The following SORCS2 variants were observed in gnomAD, a reference collection of about 807,000 sequenced individuals.
SORCS2 encodes the protein VPS10 domain-containing receptor SorCS2.
Under a neutral mutation model 141.6 loss-of-function variants are expected in SORCS2, and 100 were observed. The ratio of observed to expected loss-of-function variants is 0.71; its 90% CI spans 0.60 to 0.83. The LOEUF (loss-of-function observed/expected upper bound fraction) is 0.83. SORCS2 is among the 40% of genes least tolerant of loss of function. The pLI is 0.00. For synonymous variants in SORCS2, 789 were observed against 676.9 expected (o/e 1.17, Z -2.57); for missense variants, 1,646 against 1,560.2 (o/e 1.05, Z -0.93).
intron 1 of SORCS2, among the ~76,000 whole-genome samples, chr4:7,337,126 G>A (rs1720036888): frequency 6.6e-6 from 1 of 152,200 alleles, no homozygotes; most frequent in African/African-American, 2.4e-5. Flanking sequence ...GAGCCTCACC[G>A]AGGGCAGATG....
intron 2 of SORCS2, among the ~76,000 whole-genome samples, chr4:7,504,401 G>A (rs890276730): frequency 6.6e-6 from 1 of 152,236 alleles, no homozygotes; most frequent in Non-Finnish European, 1.5e-5. Flanking sequence ...GGAGAGACAC[G>A]AAGTCCCTGC....
At chr4:7,303,656 G>A (rs958844530) in intron 1 of SORCS2, among the ~76,000 whole-genome samples, 1 of 152,250 alleles carries the variant, frequency 6.6e-6, no homozygotes, top group African/African-American at 2.4e-5. Flanking sequence ...GAGTGTCAGG[G>A]TATCTGTTGA....
intron 3 of SORCS2, among the ~76,000 whole-genome samples, chr4:7,544,839 G>T (rs1467350300): frequency 1.3e-5 from 2 of 152,214 alleles, no homozygotes; most frequent in Non-Finnish European, 2.9e-5. Context: ...TCCTCTGAGG[G>T]CTGTTCCTGT....
At chr4:7,275,723 A>G (rs1715459203) in intron 1 of SORCS2, among the ~76,000 whole-genome samples, 1 of 150,482 alleles carries the variant, frequency 6.6e-6, no homozygotes. Context: ...TAGTGTTGCA[A>G]GCAGACTAAG....
At chr4:7,415,536 G>A (rs1410479383) in intron 2 of SORCS2, among the ~76,000 whole-genome samples, 2 of 152,190 alleles carry the variant, frequency 1.3e-5, no homozygotes, top group Non-Finnish European at 2.9e-5. Context: ...GGATAATCTA[G>A]GATAATCTTC....
intron 3 of SORCS2, among the ~76,000 whole-genome samples, chr4:7,549,781 T>A (rs977718053): frequency 2.6e-5 from 4 of 152,148 alleles, no homozygotes; most frequent in African/African-American, 9.7e-5. Flanking sequence ...TTCGAACCCC[T>A]TGGGGACCAG....
intron 1 of SORCS2, among the ~76,000 whole-genome samples, chr4:7,209,551 T>C (rs1727937932): frequency 2.0e-5 from 3 of 152,204 alleles, no homozygotes; most frequent in African/African-American, 7.2e-5. Context: ...TGCTGAAGCC[T>C]ATCCCCTTCG....
chr4:7,403,411 A>G (rs912926078), intron 2 of SORCS2, among the ~76,000 whole-genome samples: 1 of 152,060 alleles, frequency 6.6e-6, no homozygotes, highest in East Asian at 1.9e-4. Context: ...CTTCTGCTCA[A>G]CTCACATTTG....
chr4:7,510,087 G>T (rs1732523577), intron 2 of SORCS2, among the ~76,000 whole-genome samples: 1 of 152,240 alleles, frequency 6.6e-6, no homozygotes, highest in South Asian at 2.1e-4. Flanking sequence ...TCGTTAGAAT[G>T]GACTCGATGA....
intron 2 of SORCS2, chr4:7,432,537 C>G (rs1396371870): frequency 6.6e-6 from 1 of 152,200 alleles, no homozygotes; most frequent in Non-Finnish European, 1.5e-5. Flanking sequence ...CCACCCCAGA[C>G]TCCTCCGGCT....
At chr4:7,288,803 T>G (rs1318295289) in intron 1 of SORCS2, among the ~76,000 whole-genome samples, 447 of 92,478 alleles carry the variant, frequency 4.8e-3, no homozygotes, top group African/African-American at 7.6e-3. Flanking sequence ...GGGGGGGGAG[T>G]TGGGGAGGGC....
chr4:7,350,537 A>G (rs1720879749), intron 1 of SORCS2, among the ~76,000 whole-genome samples: 1 of 152,196 alleles, frequency 6.6e-6, no homozygotes, highest in Non-Finnish European at 1.5e-5. Flanking sequence ...CCTGGCACCT[A>G]GCATGCTGAT....
chr4:7,719,392 G>A (rs1462383634), intron 18 of SORCS2, among the ~76,000 whole-genome samples: 1 of 152,196 alleles, frequency 6.6e-6, no homozygotes, highest in African/African-American at 2.4e-5. Context: ...TTGCCAACCT[G>A]CTTTATAGCT....
chr4:7,194,815 A>G (rs1021423867), intron 1 of SORCS2, among the ~76,000 whole-genome samples: 8 of 152,282 alleles, frequency 5.3e-5, no homozygotes, highest in African/African-American at 1.4e-4. Flanking sequence ...GACCACATAA[A>G]TACAAAAAGC....
chr4:7,564,993 C>T (rs922917090), intron 3 of SORCS2, among the ~76,000 whole-genome samples: 1 of 152,096 alleles, frequency 6.6e-6, no homozygotes, highest in African/African-American at 2.4e-5. Flanking sequence ...CACCGGCAGG[C>T]TTTGGAAATT....
chr4:7,700,803 G>T (rs778852444), intron 12 of SORCS2, among the ~76,000 whole-genome samples: 1 of 152,200 alleles, frequency 6.6e-6, no homozygotes, highest in African/African-American at 2.4e-5. Flanking sequence ...CCCCACTCCA[G>T]CCTGCGACCC....
Position 7,726,840 on chromosome 4 carries a change from G to T in SORCS2, c.2806G>T (p.Val936Leu), listed in dbSNP as rs1442687131. The stretch of plus-strand genomic sequence containing the variant: ...GTTTTCGGACACGGGCGACGTGCGT[G>T]TGACGGTGCAGGCCGCCTGTGGGAA... ...TRFSDTGDVRVTVQAACGNSV... is the reference protein window; with the variant it reads ...TRFSDTGDVRLTVQAACGNSV... Residue 936 changes from valine (V) to leucine (L), a missense_variant, in exon 21 of 27, where the codon GTG (valine) becomes TTG (leucine). By Grantham distance (32) the Val-to-Leu change is conservative. Coordinates refer to ENST00000507866, the MANE Select transcript of SORCS2 (RefSeq NM_020777.3). The T allele has an allele frequency of 6.2e-7, 1 of 1,613,778 alleles. No homozygotes were observed. The highest frequency in any genetic ancestry group is 8.5e-7 in the Non-Finnish European group (1 of 1,179,854).
chr4:7,492,895 T>C (rs1290792735), intron 2 of SORCS2, among the ~76,000 whole-genome samples: 58 of 152,210 alleles, frequency 3.8e-4, no homozygotes, highest in Non-Finnish European at 1.0e-4. Flanking sequence ...ATCTCCCATA[T>C]TACCTTAGGA....
At position 7,542,408 on chromosome 4, in the gene SORCS2, G is replaced by A. The variant is rs138029062; in HGVS notation, c.648+10779G>A. Among the ~76,000 whole-genome samples, 324 of 152,190 alleles carry A rather than the reference G, an allele frequency of 2.1e-3. 2 individuals carry two copies. The highest frequency in any genetic ancestry group is 7.5e-3 in the African/African-American group (310 of 41,512). ...ATGACTGGTATTTTTATAAGAAAACGAGAAGAGACTCAGAGACAGACAAGA... is the reference window on the plus strand; with the variant it reads ...ATGACTGGTATTTTTATAAGAAAACAAGAAGAGACTCAGAGACAGACAAGA... On this transcript the variant is annotated intron_variant, in intron 3 of 26. Coordinates refer to ENST00000507866, the MANE Select transcript of SORCS2 (RefSeq NM_020777.3).
Sources: allele counts gnomAD v4.1 joint callset (sites outside exome capture counted in the v4.1 genomes callset), GRCh38; gene constraint gnomAD v4.1.1; transcripts MANE v1.5; gene names NCBI Gene and HGNC (gene_info 2026-07-23, HGNC 2026-07-21).